G2E3: variants seen among roughly 807,000 people sequenced by gnomAD.
G2E3 encodes G2/M phase-specific E3 ubiquitin-protein ligase.
In G2E3, 35 loss-of-function variants were observed where a neutral mutation model predicts 92.8. That is an observed-to-expected ratio of 0.38 (90% CI 0.29 to 0.50). The LOEUF (loss-of-function observed/expected upper bound fraction) is 0.50, where lower values mean the gene tolerates loss of function less well. G2E3 is among the 20% of genes least tolerant of loss of function. The pLI is 0.94. For missense variants in G2E3, 554 were observed against 823.8 expected, an observed-to-expected ratio of 0.67 and a Z score of 4.01; for synonymous variants, 242 against 272.4, an observed-to-expected ratio of 0.89 and a Z score of 1.10.
chr14:30,588,536 TA>T (rs34653368), intron 3 of G2E3, among the ~76,000 whole-genome samples: 69 of 151,394 alleles, frequency 4.6e-4, no homozygotes, highest in African/African-American at 1.6e-3. Context: ...TATAATACTT[TA>T]AAAAAAAAGT....
intron 11 of G2E3, among the ~76,000 whole-genome samples, chr14:30,607,140 A>G (rs1644490207): frequency 6.6e-6 from 1 of 152,152 alleles, no homozygotes; most frequent in African/African-American, 2.4e-5. Flanking sequence ...AAATGCATTT[A>G]TTAACTGTAG....
intron 10 of G2E3, among the ~76,000 whole-genome samples, chr14:30,603,466 AAGAGTTTTT>A (rs1207755057): frequency 1.3e-5 from 2 of 152,198 alleles, no homozygotes; most frequent in Non-Finnish European, 2.9e-5. Flanking sequence ...AGATTTGCAA[AAGAGTTTTT>A]AGAGCCTTGC....
At chr14:30,580,728 A>C (rs1880384917) in intron 1 of G2E3, 1 of 177,320 alleles carries the variant, frequency 5.6e-6, no homozygotes, top group Admixed American at 6.3e-5. Context: ...TTTTTAACCT[A>C]CTTGAATGTC....
At chr14:30,572,229 A>G (rs573505336) in intron 1 of G2E3, among the ~76,000 whole-genome samples, 11 of 152,250 alleles carry the variant, frequency 7.2e-5, no homozygotes, top group African/African-American at 2.6e-4. Context: ...TCTTATAAAT[A>G]TGTTGGTAGG....
Position 30,583,958 on chromosome 14 carries a change from A to G in G2E3, c.38-2760A>G, listed in dbSNP as rs148762336. On this transcript the variant is annotated intron_variant, in intron 2 of 14. Coordinates refer to ENST00000206595, the MANE Select transcript of G2E3 (RefSeq NM_017769.5). ...TGTTGTGAAACCATCACCACTATCTAGTTCTAAAACATTTTAATCGCCCTC... is the reference window on the plus strand; with the variant it reads ...TGTTGTGAAACCATCACCACTATCTGGTTCTAAAACATTTTAATCGCCCTC... Among the ~76,000 whole-genome samples, 6 of 152,314 alleles carry G rather than the reference A, an allele frequency of 3.9e-5. No individual in the cohort carries two copies. The East Asian group carries it at 1.2e-3, about 29-fold the overall frequency.
rs922985471 is a variant in G2E3 at position 30,598,240 on chromosome 14, G to T, written c.636-243G>T. On this transcript the variant is annotated intron_variant, in intron 7 of 14. Transcript: ENST00000206595. ...TCTCTACTAAAAAATACAAAAACCA[G>T]CCGGGCATGGTGGCAGGCCCCTGTA... The T allele has an allele frequency of 5.2e-5, 18 of 343,844 alleles. No individual in the cohort carries two copies. In the Admixed American group the frequency reaches 7.2e-4, roughly 14 times the overall value. 21.3% of individuals were successfully genotyped at this position (343,844 alleles called of 1,614,324 possible).
In G2E3 at chr14:30,616,580, A is replaced by G. The variant is rs1258870173; in HGVS notation, c.*46A>G. The G allele has an allele frequency of 2.1e-6, 3 of 1,405,540 alleles. No individual in the cohort carries two copies. The East Asian group carries it at 6.9e-5, about 32-fold the overall frequency. The allele number at this position is 1,405,540 out of a possible 1,614,324, so 87.1% of individuals were successfully genotyped here. Reference sequence around the variant, plus strand: ...GAAGCTTCTTTAAAAGCTGCTATTGATAACTCTCTTTTATTTCACTAACCT... The same window carrying G: ...GAAGCTTCTTTAAAAGCTGCTATTGGTAACTCTCTTTTATTTCACTAACCT... On this transcript the variant is annotated 3_prime_UTR_variant, in exon 15 of 15. Coordinates refer to ENST00000206595, the MANE Select transcript of G2E3 (RefSeq NM_017769.5).
At chr14:30,583,689 A>G (rs1880552567) in intron 2 of G2E3, among the ~76,000 whole-genome samples, 1 of 152,244 alleles carries the variant, frequency 6.6e-6, no homozygotes, top group Non-Finnish European at 1.5e-5. Context: ...TATGTGAAGT[A>G]ATGCATATGA....
chr14:30,563,388 C>T (rs10132507), intron 1 of G2E3, among the ~76,000 whole-genome samples: 6,808 of 152,128 alleles, frequency 0.045, 492 homozygotes, highest in African/African-American at 0.15. Flanking sequence ...CCCCATACCA[C>T]TTAAAGTCCC....
chr14:30,590,544 G>A lies in G2E3; in HGVS notation c.237+1060G>A, dbSNP rs229250. The A allele has an allele frequency of 7.0e-3, 2,724 of 390,270 alleles. 63 individuals carry two copies. The highest frequency in any genetic ancestry group is 0.052 in the African/African-American group (2,471 of 47,560). 24.2% of individuals were successfully genotyped at this position (390,270 alleles called of 1,614,324 possible). A position where few individuals can be genotyped will look rare whatever the true frequency, so the allele number is the denominator to read the frequency against. Reference sequence around the variant, plus strand: ...ACCCCATGTCAAGTCTGGAAATTAAGGAGGATGGAAAAATAAGCAGCTTTA... The same window carrying A: ...ACCCCATGTCAAGTCTGGAAATTAAAGAGGATGGAAAAATAAGCAGCTTTA... On this transcript the variant is annotated intron_variant, in intron 4 of 14. Transcript: ENST00000206595.
intron 11 of G2E3, among the ~76,000 whole-genome samples, chr14:30,606,738 C>T (rs1881850200): frequency 6.6e-6 from 1 of 152,042 alleles, no homozygotes; most frequent in African/African-American, 2.4e-5. Context: ...AAGGTTATTA[C>T]ACAGGTATTG....
At chr14:30,568,023 C>G (rs1879542421) in intron 1 of G2E3, among the ~76,000 whole-genome samples, 1 of 152,068 alleles carries the variant, frequency 6.6e-6, no homozygotes, top group Non-Finnish European at 1.5e-5. Context: ...GTGGAGTGTT[C>G]TGTATATGTT....
intron 2 of G2E3, among the ~76,000 whole-genome samples, chr14:30,582,596 C>G (rs1244774418): frequency 6.6e-6 from 1 of 152,190 alleles, no homozygotes; most frequent in Non-Finnish European, 1.5e-5. Context: ...CTACATAATT[C>G]TCTTTCTCTT....
intron 6 of G2E3, among the ~76,000 whole-genome samples, chr14:30,594,278 G>GT (rs1388862074): frequency 1.3e-5 from 2 of 152,148 alleles, no homozygotes; most frequent in Admixed American, 6.6e-5. Flanking sequence ...TATGTAATAT[G>GT]TACATGTGAA....
rs78641421 is a variant in G2E3 at position 30,566,567 on chromosome 14, T to C, written c.-5+7295T>C. Among the ~76,000 whole-genome samples the C allele has an allele frequency of 3.6e-3, 552 of 152,340 alleles. 6 individuals carry two copies. Among genetic ancestry groups the C allele is most frequent in the African/African-American group, 0.013 (522 of 41,588 alleles). ...TGTTATATAGAAATACAACTGATATTTGTGTGTTGATCTTGCATCCTGTAA... is the reference window on the plus strand; with the variant it reads ...TGTTATATAGAAATACAACTGATATCTGTGTGTTGATCTTGCATCCTGTAA... On this transcript the variant is annotated intron_variant, in intron 1 of 14. Coordinates refer to ENST00000206595, the MANE Select transcript of G2E3 (RefSeq NM_017769.5).
intron 2 of G2E3, among the ~76,000 whole-genome samples, chr14:30,582,010 A>T (rs1880462479): frequency 6.6e-6 from 1 of 152,152 alleles, no homozygotes. Flanking sequence ...ACACCACATT[A>T]TGTTGGATAA....
chr14:30,578,210 G>C (rs138085961), intron 1 of G2E3, among the ~76,000 whole-genome samples: 180 of 152,252 alleles, frequency 1.2e-3, no homozygotes, highest in Admixed American at 2.0e-3. Flanking sequence ...GAAGGCTAAT[G>C]TGAACTGATC....
intron 11 of G2E3, among the ~76,000 whole-genome samples, chr14:30,606,283 A>C (rs1350419000): frequency 6.6e-6 from 1 of 151,660 alleles, no homozygotes; most frequent in Non-Finnish European, 1.5e-5. Flanking sequence ...TTCTGTCTTC[A>C]CTATTGGTGA....
At chr14:30,591,501 A>G (rs1439388915) in intron 4 of G2E3, among the ~76,000 whole-genome samples, 6 of 152,106 alleles carry the variant, frequency 3.9e-5, no homozygotes, top group Non-Finnish European at 5.9e-5. Context: ...TTGTAAATCA[A>G]AGTGTCAAAA....
Sources: gnomAD v4.1 joint callset for allele counts (sites outside exome capture counted in the v4.1 genomes callset) on GRCh38, gnomAD v4.1.1 for gene constraint, MANE v1.5 for transcripts, NCBI Gene and HGNC (gene_info 2026-07-23, HGNC 2026-07-21) for gene names.